Variants in FAM169A observed in about 807,000 individuals in gnomAD.
FAM169A encodes family with sequence similarity 169 member A.
A neutral mutation model predicts 75.7 loss-of-function variants in FAM169A; 24 were observed. That is an observed-to-expected ratio of 0.32 (90% CI 0.23 to 0.45). The LOEUF is 0.45. Among genes scored for constraint, FAM169A ranks in the 20% least tolerant of loss-of-function variants. The probability of loss-of-function intolerance (pLI) is 1.00; values close to 1 mark genes in which losing one functional copy is unlikely to be tolerated. For synonymous variants in FAM169A, 271 were observed against 271.0 expected, an observed-to-expected ratio of 1.00 and a Z score of 0.00; for missense variants, 673 against 784.0, an observed-to-expected ratio of 0.86 and a Z score of 1.69.
chr5:74,850,927 T>G (rs980970149), intron 1 of FAM169A, among the ~76,000 whole-genome samples: 2 of 152,212 alleles, frequency 1.3e-5, no homozygotes. Context: ...TGTTTTTGTT[T>G]GTTGTTAGAG....
At chr5:74,858,170 G>A (rs1039778425) in intron 1 of FAM169A, among the ~76,000 whole-genome samples, 2 of 151,342 alleles carry the variant, frequency 1.3e-5, no homozygotes, top group African/African-American at 2.4e-5. Flanking sequence ...GGCAGGTCAC[G>A]AGATCAGGAG....
chr5:74,804,081 C>T (rs995507132), intron 8 of FAM169A, among the ~76,000 whole-genome samples: 22 of 151,846 alleles, frequency 1.4e-4, no homozygotes, highest in African/African-American at 4.8e-4. Flanking sequence ...TCCAATATTA[C>T]ATTAATGGAG....
At chr5:74,809,582 C>T (rs1257897663) in intron 6 of FAM169A, among the ~76,000 whole-genome samples, 2 of 151,826 alleles carry the variant, frequency 1.3e-5, no homozygotes, top group African/African-American at 2.4e-5. Context: ...GGTGACAGAG[C>T]GAGACTACGT....
At chr5:74,838,113 C>A (rs1748666047) in intron 4 of FAM169A, among the ~76,000 whole-genome samples, 1 of 133,378 alleles carries the variant, frequency 7.5e-6, no homozygotes, top group Non-Finnish European at 1.6e-5. Context: ...AAACTCCATC[C>A]CAAAAAAAAA....
chr5:74,805,551 G>A (rs1320694914), intron 6 of FAM169A, among the ~76,000 whole-genome samples: 2 of 83,420 alleles, frequency 2.4e-5, no homozygotes, highest in African/African-American at 1.1e-4. Context: ...TTTTTTTGGA[G>A]ATGGAGTCTT....
chr5:74,835,601 CAAAAAAAAAAAAA>C (rs35800429), intron 4 of FAM169A, among the ~76,000 whole-genome samples: 1 of 59,154 alleles, frequency 1.7e-5, no homozygotes, highest in Non-Finnish European at 3.7e-5. Context: ...GACTGTGTCT[CAAAAAAAAAAAAA>C]AAAAAAAAAA....
chr5:74,825,846 C>T (rs921024944), intron 5 of FAM169A, among the ~76,000 whole-genome samples: 9 of 152,222 alleles, frequency 5.9e-5, no homozygotes, highest in Non-Finnish European at 1.0e-4. Context: ...TTCTCTATTC[C>T]AGATGCTCTG....
intron 11 of FAM169A, among the ~76,000 whole-genome samples, chr5:74,785,314 G>A (rs1028088667): frequency 1.3e-5 from 2 of 152,008 alleles, no homozygotes; most frequent in African/African-American, 4.8e-5. Flanking sequence ...GCGAGACTCC[G>A]TCTCAAAAGA....
chr5:74,861,720 T>C (rs1040818350), intron 1 of FAM169A, among the ~76,000 whole-genome samples: 65 of 152,138 alleles, frequency 4.3e-4, no homozygotes, highest in Admixed American at 1.8e-3. Context: ...TCTCCTCACA[T>C]TGTATGTTAA....
intron 10 of FAM169A, chr5:74,799,175 C>A (rs1226682345): frequency 8.0e-6 from 9 of 1,129,678 alleles, no homozygotes; most frequent in Non-Finnish European, 1.1e-5. Context: ...ATTGACTGGG[C>A]TCCCAAGCAT....
At chr5:74,789,381 T>C (rs912855981) in intron 11 of FAM169A, among the ~76,000 whole-genome samples, 4 of 152,144 alleles carry the variant, frequency 2.6e-5, no homozygotes, top group Non-Finnish European at 4.4e-5. Context: ...AGGTAAAGGA[T>C]AGGATGCTGC....
At chr5:74,818,147 G>A (rs1367249411) in intron 5 of FAM169A, among the ~76,000 whole-genome samples, 2 of 152,172 alleles carry the variant, frequency 1.3e-5, no homozygotes, top group African/African-American at 4.8e-5. Context: ...AAAAGAAAAA[G>A]TAGATAAATT....
chr5:74,840,082 G>T lies in FAM169A; in HGVS notation c.224C>A (p.Ser75Ter). 2 of 1,542,428 alleles carry T rather than the reference G, an allele frequency of 1.3e-6. No individual in the cohort carries two copies. Among genetic ancestry groups the T allele is most frequent in the South Asian group, 1.2e-5 (1 of 81,072 alleles). ...KILALFAPED[S>*]LTAVALYLAD... is the part of the protein sequence containing the mutation. Reference sequence around the variant, plus strand: ...ATTAAGCAAAAAGAGACCTGTCAGTGAATCTTCAGGTGCAAAGAGAGCAAG... The same window carrying T: ...ATTAAGCAAAAAGAGACCTGTCAGTTAATCTTCAGGTGCAAAGAGAGCAAG... Residue 75 changes from serine (S) to a stop codon, truncating the protein, a stop_gained, in exon 3 of 13, where the codon TCA becomes TAA. Transcript: ENST00000687041. LOFTEE classifies it high-confidence loss of function.
At chr5:74,795,931 ACT>A (rs1442551693) in intron 11 of FAM169A, 97 bp downstream of exon 11, 9 of 1,256,628 alleles carry the variant, frequency 7.2e-6, no homozygotes, top group South Asian at 1.6e-5. Context: ...AATTTCTAAC[ACT>A]CTAAAATATA....
At position 74,840,156 on chromosome 5, in the gene FAM169A, T is replaced by C. The variant is rs375964660; in HGVS notation, c.150A>G (p.Ser50=). ...LLNITIPISL[S]NVGFVPLYGG... The stretch of plus-strand genomic sequence containing the variant: ...CATAAAGAGGTACAAAGCCTACATT[T>C]GACAGGCTAATAGGAATCTGAAATG... Residue 50 remains serine, a synonymous_variant, in exon 3 of 13, where the codon TCA becomes TCG. Transcript: ENST00000687041. 14 of 1,582,102 alleles carry C rather than the reference T, an allele frequency of 8.8e-6. No homozygotes were observed. In the African/African-American group the frequency reaches 1.9e-4, roughly 21 times the overall value.
chr5:74,839,104 C>T (rs141515847), intron 3 of FAM169A, 54 bp from the exon 4 acceptor site: 1 of 1,215,266 alleles, frequency 8.2e-7, no homozygotes, highest in African/African-American at 1.5e-5. Flanking sequence ...CACTTTTAGA[C>T]TTAATAAGGC....
intron 1 of FAM169A, among the ~76,000 whole-genome samples, chr5:74,851,770 T>A (rs1749456908): frequency 6.6e-6 from 1 of 152,000 alleles, no homozygotes; most frequent in Non-Finnish European, 1.5e-5. Context: ...AAAGAAAAAA[T>A]AAGCACTTAA....
rs150811779 is a variant in FAM169A, at chr5:74,782,380, C to T, written c.1465-372G>A. Among the ~76,000 whole-genome samples the T allele has an allele frequency of 6.9e-3, 1,043 of 152,226 alleles. 55 individuals carry two copies. The highest frequency in any genetic ancestry group is 0.064 in the Admixed American group (975 of 15,288). On this transcript the variant is annotated intron_variant, in intron 12 of 12. Coordinates refer to ENST00000687041, the MANE Select transcript of FAM169A (RefSeq NM_001376049.1). ...CCAAAAATACCTTGGGACTTCACTG[C>T]GCTACCACACTACGTTTGACTACGA... is the stretch of plus-strand genomic sequence containing the variant.
chr5:74,792,230 T>C (rs1214129627), intron 11 of FAM169A, among the ~76,000 whole-genome samples: 4 of 152,178 alleles, frequency 2.6e-5, no homozygotes, highest in East Asian at 3.8e-4. Context: ...GTCAACTTGA[T>C]TGGATTGAAG....
Sources: gnomAD v4.1 joint callset for allele counts (sites outside exome capture counted in the v4.1 genomes callset) on GRCh38, gnomAD v4.1.1 for gene constraint, MANE v1.5 for transcripts, NCBI Gene and HGNC (gene_info 2026-07-23, HGNC 2026-07-21) for gene names.